The following RAPGEF1 variants were observed in gnomAD, a reference collection of about 807,000 sequenced individuals.
RAPGEF1 encodes CRK SH3-binding GNRP.
In RAPGEF1, 33 loss-of-function variants were observed where a neutral mutation model predicts 143.3. That is an observed-to-expected ratio of 0.23 (90% confidence interval 0.17 to 0.31). The LOEUF (loss-of-function observed/expected upper bound fraction) is 0.31. RAPGEF1 is among the 10% of genes least tolerant of loss of function. The pLI, the probability that RAPGEF1 is intolerant of heterozygous loss-of-function variation, is 1.00. For missense variants in RAPGEF1, 1,199 were observed against 1,645.4 expected (o/e 0.73, Z 4.69); for synonymous variants, 629 against 676.5 (o/e 0.93, Z 1.09).
intron 1 of RAPGEF1, among the ~76,000 whole-genome samples, chr9:131,685,860 G>A (rs991784117): frequency 2.6e-5 from 4 of 152,234 alleles, no homozygotes; most frequent in African/African-American, 9.6e-5. Context: ...ATTCAGCTAC[G>A]TGCATTTGGA....
chr9:131,597,795 C>T (rs957264655), intron 16 of RAPGEF1, among the ~76,000 whole-genome samples: 1 of 152,126 alleles, frequency 6.6e-6, no homozygotes, highest in African/African-American at 2.4e-5. Context: ...CAAGCCATTC[C>T]CCTGCCTCTG....
rs1254083507 is a variant in RAPGEF1, at chr9:131,650,068, T to C, written c.315+61A>G. ...AGAGTTTTTTCCATCCCCAAAACCA[T>C]GGACCAGGATTCTGCAGTAGAAGGC... On this transcript the variant is annotated intron_variant, in intron 3 of 26. Transcript: ENST00000683357. This position sits in a 1 kb window ranked among gnomAD's most constrained non-coding sequence, Gnocchi z 4.7. 1.5e-6 allele frequency: 2 copies of C among 1,372,654 alleles called. No individual in the cohort carries two copies. Among genetic ancestry groups the C allele is most frequent in the African/African-American group, 1.4e-5 (1 of 68,970 alleles). 85.0% of individuals were successfully genotyped at this position (1,372,654 alleles called of 1,614,324 possible). A position where few individuals can be genotyped will look rare whatever the true frequency, so the allele number is the denominator to read the frequency against.
chr9:131,709,853 CTT>C, intron 1 of RAPGEF1: 1 of 1,426,282 alleles, frequency 7.0e-7, no homozygotes, highest in Non-Finnish European at 9.1e-7. Context: ...ATTCTCAAGT[CTT>C]TGCCTTCTGC....
rs376105574 is a variant in RAPGEF1 at position 131,584,586 on chromosome 9, T to G, written c.3244A>C (p.Ile1082Leu). 6.2e-7 allele frequency: 1 copy of G among 1,613,792 alleles called. No individual in the cohort carries two copies. The highest frequency in any genetic ancestry group is 1.3e-5 in the African/African-American group (1 of 74,902). Residue 1082 changes from isoleucine to leucine, a missense_variant, in exon 23 of 27, where the codon ATA becomes CTA. Physicochemically the swap from Ile to Leu is conservative, Grantham distance 5 (BLOSUM62 2). Around this residue, in one of 6 missense-constraint regions of RAPGEF1, gnomAD observed 209 missense variants for 403.0 expected, o/e 0.52. Coordinates refer to ENST00000683357, the MANE Select transcript of RAPGEF1 (RefSeq NM_001377935.1). This position sits in a 1 kb window ranked among gnomAD's most constrained non-coding sequence, Gnocchi z 6.8. ...FNNMSYWVRS[I>L]IMLQEKAQDR... The stretch of plus-strand genomic sequence containing the variant: ...TGGGCCTTTTCCTGTAACATGATTA[T>G]GGACCGGACCCTGCATGGACCAAGG...
rs189132749 is a variant in RAPGEF1, at chr9:131,603,293, G to T, written c.2412+668C>A. Among the ~76,000 whole-genome samples, 12 of 152,356 alleles carry T rather than the reference G, an allele frequency of 7.9e-5. No individual in the cohort carries two copies. In the East Asian group the frequency reaches 2.3e-3, roughly 29 times the overall value. On this transcript the variant is annotated intron_variant, in intron 14 of 26. Transcript: ENST00000683357. Reference sequence around the variant, plus strand: ...GAACCTGTCCCACCTGGGCTCATGGGGGGAGCAATTTCTGAAGCTTTTGAA... The same window carrying T: ...GAACCTGTCCCACCTGGGCTCATGGTGGGAGCAATTTCTGAAGCTTTTGAA...
At position 131,605,162 on chromosome 9, in the gene RAPGEF1, G is replaced by A. The variant is rs1325518028; in HGVS notation, c.2088C>T (p.Ser696=). The change falls in exon 13 of 27, where the codon TCC becomes TCT. Residue 696 remains serine, a synonymous_variant. Transcript: ENST00000683357. ...PSYKSVFRSY[S]QDFVPHHQAS... ...CTTGGTGGTGAGGCACGAAATCCTG[G>A]GAGTAGGACCTAAACACAGACTTAT... 1 of 1,359,428 alleles carries A rather than the reference G, an allele frequency of 7.4e-7. No homozygotes were observed. Among genetic ancestry groups the A allele is most frequent in the Non-Finnish European group, 9.8e-7 (1 of 1,018,338 alleles). The allele number at this position is 1,359,428 out of a possible 1,614,324, so 84.2% of individuals were successfully genotyped here.
At chr9:131,615,959 T>C (rs1246392283) in intron 12 of RAPGEF1, among the ~76,000 whole-genome samples, 1 of 152,178 alleles carries the variant, frequency 6.6e-6, no homozygotes, top group African/African-American at 2.4e-5. Context: ...GACTCCCATA[T>C]ATTCCAGGGA....
chr9:131,712,475 G>GT lies in RAPGEF1; in HGVS notation c.61+27294dup, dbSNP rs1174765650. 1.2e-4 allele frequency among the ~76,000 whole-genome samples: 18 copies of GT among 152,284 alleles called. No individual in the cohort carries two copies. In the East Asian group the frequency reaches 3.5e-3, roughly 29 times the overall value. On this transcript the variant is annotated intron_variant, in intron 1 of 26. Coordinates refer to ENST00000683357, the MANE Select transcript of RAPGEF1 (RefSeq NM_001377935.1). ...AGAGGGTATGGGCGGCTGGGGCGCT[G>GT]TTTCCTCCACTTCCCCACTCCTTAG...
chr9:131,677,084 T>C (rs924970984), intron 1 of RAPGEF1, among the ~76,000 whole-genome samples: 10 of 152,244 alleles, frequency 6.6e-5, no homozygotes, highest in Non-Finnish European at 1.5e-4. Context: ...TGACTTCATT[T>C]ACCCCAAACA....
chr9:131,709,559 GTC>G, intron 1 of RAPGEF1: 1 of 1,522,652 alleles, frequency 6.6e-7, no homozygotes, highest in East Asian at 2.3e-5. Flanking sequence ...TGCTGGGCCA[GTC>G]TCTCAGAGAA....
intron 1 of RAPGEF1, among the ~76,000 whole-genome samples, chr9:131,694,388 A>C (rs968208627): frequency 1.3e-5 from 2 of 152,332 alleles, no homozygotes; most frequent in East Asian, 1.9e-4. Flanking sequence ...CTGAACAAAT[A>C]GTCACAGAGT....
intron 1 of RAPGEF1, among the ~76,000 whole-genome samples, chr9:131,661,252 G>A (rs1231089957): frequency 1.3e-5 from 2 of 152,240 alleles, no homozygotes; most frequent in South Asian, 2.1e-4. Flanking sequence ...CCGTGGCACC[G>A]TCGCACAGTG....
rs1444727718 is a variant in RAPGEF1, at chr9:131,655,001, C to A, written c.62-4052G>T. 6.6e-6 allele frequency among the ~76,000 whole-genome samples: 1 copy of A among 152,124 alleles called. No homozygotes were observed. Among genetic ancestry groups the A allele is most frequent in the Admixed American group, 6.5e-5 (1 of 15,284 alleles). ...GTCAAGTTTTTCCAGCAATTTAGTA[C>A]AACAAAACAAACCAGAAAACCAAAC... On this transcript the variant is annotated intron_variant, in intron 1 of 26. Transcript: ENST00000683357. This position sits in a 1 kb window ranked among gnomAD's most constrained non-coding sequence, Gnocchi z 4.1.
At chr9:131,731,938 G>A (rs540775312) in intron 1 of RAPGEF1, among the ~76,000 whole-genome samples, 1 of 152,324 alleles carries the variant, frequency 6.6e-6, no homozygotes, top group East Asian at 1.9e-4. Flanking sequence ...TGGGTTCAGA[G>A]AATTGTCACC....
At chr9:131,693,097 ATG>A (rs1452691611) in intron 1 of RAPGEF1, among the ~76,000 whole-genome samples, 1 of 152,192 alleles carries the variant, frequency 6.6e-6, no homozygotes, top group African/African-American at 2.4e-5. Context: ...AAAGTCTTAA[ATG>A]TGCATATGCA....
intron 1 of RAPGEF1, among the ~76,000 whole-genome samples, chr9:131,660,326 T>C (rs745434576): frequency 4.6e-5 from 7 of 152,326 alleles, no homozygotes; most frequent in Admixed American, 2.0e-4. Flanking sequence ...ATTAAGCCTA[T>C]CTTTTAAAAA....
At chr9:131,611,928 G>C (rs1026813638) in intron 12 of RAPGEF1, among the ~76,000 whole-genome samples, 1 of 152,138 alleles carries the variant, frequency 6.6e-6, no homozygotes, top group Non-Finnish European at 1.5e-5. Context: ...TTCATGATAG[G>C]GTTCTGGATT....
intron 1 of RAPGEF1, among the ~76,000 whole-genome samples, chr9:131,664,888 T>C (rs939652739): frequency 6.6e-6 from 1 of 152,238 alleles, no homozygotes; most frequent in Admixed American, 6.5e-5. Flanking sequence ...GTTAAAAAAC[T>C]ACATAACTTC....
chr9:131,592,783 C>A (rs1954560999), intron 17 of RAPGEF1, among the ~76,000 whole-genome samples: 1 of 152,194 alleles, frequency 6.6e-6, no homozygotes, highest in Non-Finnish European at 1.5e-5. Context: ...CAGGGTCTCA[C>A]TCTATCACTC....
Sources: gnomAD v4.1 joint callset for allele counts (sites outside exome capture counted in the v4.1 genomes callset) on GRCh38, gnomAD v4.1.1 for gene constraint, gnomAD v4.1.1 regional missense constraint, Gnocchi (gnomAD v3.1) non-coding constraint, MANE v1.5 for transcripts, NCBI Gene and HGNC (gene_info 2026-07-23, HGNC 2026-07-21) for gene names.